ITGB6: variants seen among roughly 807,000 people sequenced by gnomAD.
The protein encoded by ITGB6 is integrin beta-6.
In ITGB6, 80 loss-of-function variants were observed where a neutral mutation model predicts 84.5. The ratio of observed to expected loss-of-function variants is 0.95; its 90% CI spans 0.79 to 1.14. ITGB6 has a LOEUF of 1.14. Among genes scored for constraint, ITGB6 ranks in the 50% most tolerant of loss-of-function variants. The pLI, the probability that ITGB6 is intolerant of heterozygous loss-of-function variation, is 0.00. For synonymous variants in ITGB6, 383 were observed against 354.9 expected (o/e 1.08, Z -0.89); for missense variants, 1,006 against 968.0 (o/e 1.04, Z -0.52).
chr2:160,135,559 A>G (rs1176719110), intron 10 of ITGB6, among the ~76,000 whole-genome samples: 1 of 151,976 alleles, frequency 6.6e-6, no homozygotes. Flanking sequence ...ACTACTTTAT[A>G]GTTCATATGG....
chr2:160,135,827 G>T (rs962601591), intron 10 of ITGB6, among the ~76,000 whole-genome samples: 3 of 152,180 alleles, frequency 2.0e-5, no homozygotes, highest in African/African-American at 4.8e-5. Context: ...TTAATAAATG[G>T]TGATGGGAAA....
intron 10 of ITGB6, among the ~76,000 whole-genome samples, chr2:160,130,954 C>T (rs1284725382): frequency 6.6e-6 from 1 of 152,150 alleles, no homozygotes; most frequent in East Asian, 1.9e-4. Context: ...ACACGGAGCT[C>T]CTCTCAGAAT....
At chr2:160,105,776 T>C (rs1696882573) in intron 14 of ITGB6, among the ~76,000 whole-genome samples, 2 of 152,322 alleles carry the variant, frequency 1.3e-5, no homozygotes, top group South Asian at 4.1e-4. Flanking sequence ...ATAACATCTG[T>C]GGCCAGGGGT....
At chr2:160,110,758 C>A (rs4665156) in intron 13 of ITGB6, among the ~76,000 whole-genome samples, 2 of 152,074 alleles carry the variant, frequency 1.3e-5, no homozygotes, top group African/African-American at 2.4e-5. Flanking sequence ...CAAGCCTCCA[C>A]CAGGCCACCC....
At position 160,129,442 on chromosome 2, in the gene ITGB6, T is replaced by A. The variant is rs1381557465; in HGVS notation, c.1661-2841A>T. On this transcript the variant is annotated intron_variant, in intron 10 of 14. Coordinates refer to ENST00000283249, the MANE Select transcript of ITGB6 (RefSeq NM_000888.5). Reference sequence around the variant, plus strand: ...TGCATTAGGCATTTTGCCTCCCAAGTTTTGCTCTTCCAGCAAAATTTAGGA... The same window carrying A: ...TGCATTAGGCATTTTGCCTCCCAAGATTTGCTCTTCCAGCAAAATTTAGGA... Among the ~76,000 whole-genome samples, 3 of 149,786 alleles carry A rather than the reference T, an allele frequency of 2.0e-5. No individual in the cohort carries two copies. The East Asian group carries it at 5.8e-4, about 29-fold the overall frequency.
chr2:160,199,886 A>G, intron 1 of ITGB6, 117 bp downstream of exon 1: 2 of 779,810 alleles, frequency 2.6e-6, no homozygotes, highest in South Asian at 3.4e-5. Context: ...TCACTCAGTC[A>G]CAAAAGAGCA....
chr2:160,181,093 G>GT (rs540374605), intron 4 of ITGB6, among the ~76,000 whole-genome samples: 10 of 152,028 alleles, frequency 6.6e-5, no homozygotes, highest in African/African-American at 2.4e-4. Context: ...AGCTGCCGGA[G>GT]TTTTTTTTCA....
chr2:160,175,280 C>A (rs11884756), intron 4 of ITGB6, among the ~76,000 whole-genome samples: 196 of 152,342 alleles, frequency 1.3e-3, no homozygotes, highest in African/African-American at 4.5e-3. Flanking sequence ...TCATTATTCA[C>A]AGATTCTATA....
chr2:160,136,496 T>C (rs991327311), intron 10 of ITGB6, among the ~76,000 whole-genome samples: 14 of 152,190 alleles, frequency 9.2e-5, no homozygotes, highest in African/African-American at 3.4e-4. Flanking sequence ...AGTGTGGCAA[T>C]TCCTCAGGGA....
At chr2:160,145,077 C>T (rs988654536) in intron 7 of ITGB6, among the ~76,000 whole-genome samples, 5 of 152,120 alleles carry the variant, frequency 3.3e-5, no homozygotes, top group Non-Finnish European at 5.9e-5. Flanking sequence ...TGTCAAATGC[C>T]TTCCTTTCAT....
intron 6 of ITGB6, among the ~76,000 whole-genome samples, chr2:160,170,464 C>T (rs967109159): frequency 6.6e-6 from 1 of 152,162 alleles, no homozygotes; most frequent in African/African-American, 2.4e-5. Context: ...ACGCTGATGC[C>T]TAAATCCCTC....
chr2:160,176,080 G>T (rs909513386), intron 4 of ITGB6, among the ~76,000 whole-genome samples: 32 of 152,096 alleles, frequency 2.1e-4, no homozygotes, highest in African/African-American at 7.7e-4. Flanking sequence ...GGTGAGGTTT[G>T]GATATGTCCC....
chr2:160,137,699 G>A lies in ITGB6; in HGVS notation c.1395C>T (p.Ser465=). ...DCQKEVEVNS[S]KCHHGNGSFQ... The stretch of plus-strand genomic sequence containing the variant: ...AAGAGCCGTTCCCGTGGTGACATTT[G>A]GAGCTGTTCACTTCCACTTCTTTCT... The change falls in exon 10 of 15, where the codon TCC becomes TCT. Residue 465 remains serine (S), a synonymous_variant. Transcript: ENST00000283249. The A allele has an allele frequency of 6.2e-7, 1 of 1,614,204 alleles. No homozygotes were observed. Among genetic ancestry groups the A allele is most frequent in the Non-Finnish European group, 8.5e-7 (1 of 1,180,036 alleles).
chr2:160,182,911 GA>G (rs556925464), intron 4 of ITGB6, among the ~76,000 whole-genome samples: 1 of 152,172 alleles, frequency 6.6e-6, no homozygotes, highest in Non-Finnish European at 1.5e-5. Flanking sequence ...AAGCGAAGGA[GA>G]AATAAAATCC....
chr2:160,167,620 C>T (rs1222734512), intron 7 of ITGB6, among the ~76,000 whole-genome samples: 1 of 152,180 alleles, frequency 6.6e-6, no homozygotes, highest in Non-Finnish European at 1.5e-5. Context: ...GCATTTTCCT[C>T]GGAAATGATC....
At chr2:160,110,540 G>T (rs907368122) in intron 13 of ITGB6, among the ~76,000 whole-genome samples, 2 of 152,166 alleles carry the variant, frequency 1.3e-5, no homozygotes, top group African/African-American at 4.8e-5. Context: ...CAGCCAGGAA[G>T]CCTTCCCGCC....
chr2:160,188,812 G>A (rs903708494), intron 4 of ITGB6, among the ~76,000 whole-genome samples: 1 of 151,812 alleles, frequency 6.6e-6, no homozygotes. Context: ...TACCACATTG[G>A]CCAGGCTGGT....
intron 8 of ITGB6, among the ~76,000 whole-genome samples, chr2:160,138,993 A>G (rs1206142423): frequency 2.0e-5 from 3 of 152,206 alleles, no homozygotes; most frequent in Admixed American, 6.5e-5. Flanking sequence ...ATGGAGCTCA[A>G]TTTTAGAGAT....
chr2:160,174,179 G>T, intron 4 of ITGB6, 40 bp from the exon 5 acceptor site: 2 of 1,441,176 alleles, frequency 1.4e-6, no homozygotes, highest in South Asian at 2.5e-5. Flanking sequence ...GATGAAATAT[G>T]ATGCCACACA....
Sources: gnomAD v4.1 joint callset for allele counts (sites outside exome capture counted in the v4.1 genomes callset) on GRCh38, gnomAD v4.1.1 for gene constraint, MANE v1.5 for transcripts, NCBI Gene and HGNC (gene_info 2026-07-23, HGNC 2026-07-21) for gene names.